The following RALA variants were observed in gnomAD, a reference collection of about 807,000 sequenced individuals.
The protein encoded by RALA is ras-related protein Ral-A.
Under a neutral mutation model 24.0 loss-of-function variants are expected in RALA, and 5 were observed. The ratio of observed to expected loss-of-function variants is 0.21; its 90% CI spans 0.11 to 0.44. The LOEUF is 0.44. Ranked by LOEUF, RALA falls within the 20% of genes least tolerant of loss-of-function variation. RALA has a pLI of 0.99. For missense variants in RALA, 95 were observed against 241.2 expected (o/e 0.39, Z 4.01); for synonymous variants, 77 against 83.8 (o/e 0.92, Z 0.44).
chr7:39,634,642 C>G (rs1039073420), intron 1 of RALA, among the ~76,000 whole-genome samples: 1 of 151,996 alleles, frequency 6.6e-6, no homozygotes, highest in Non-Finnish European at 1.5e-5. Flanking sequence ...TATTAATCTC[C>G]AAGGTCTTCC....
chr7:39,674,086 T>A (rs988127617), intron 1 of RALA, among the ~76,000 whole-genome samples: 40 of 142,810 alleles, frequency 2.8e-4, no homozygotes, highest in Non-Finnish European at 4.7e-4. Context: ...AATAAATAAA[T>A]AAAAGGTTGA....
intron 1 of RALA, among the ~76,000 whole-genome samples, chr7:39,676,443 T>G (rs1792488924): frequency 6.6e-6 from 1 of 152,144 alleles, no homozygotes; most frequent in Non-Finnish European, 1.5e-5. Flanking sequence ...TCAGAAGTGT[T>G]TGGGATTTTG....
intron 1 of RALA, among the ~76,000 whole-genome samples, chr7:39,681,985 A>G (rs1456289469): frequency 6.6e-6 from 1 of 152,208 alleles, no homozygotes; most frequent in Non-Finnish European, 1.5e-5. Flanking sequence ...TCTCCCATCC[A>G]GTCAATCAGG....
At chr7:39,651,565 C>T (rs1209100305) in intron 1 of RALA, among the ~76,000 whole-genome samples, 1 of 151,992 alleles carries the variant, frequency 6.6e-6, no homozygotes, top group Non-Finnish European at 1.5e-5. Flanking sequence ...AAATATTTTT[C>T]CTTTTTCACT....
intron 1 of RALA, among the ~76,000 whole-genome samples, chr7:39,642,964 A>G (rs1791847414): frequency 6.6e-6 from 1 of 152,244 alleles, no homozygotes; most frequent in African/African-American, 2.4e-5. Flanking sequence ...TGAAAATAAC[A>G]CTGTAACATT....
At chr7:39,681,872 G>A (rs187186829) in intron 1 of RALA, among the ~76,000 whole-genome samples, 283 of 152,262 alleles carry the variant, frequency 1.9e-3, no homozygotes, top group African/African-American at 6.4e-3. Context: ...CAGAGCTTGG[G>A]ATTTCTTTCC....
intron 1 of RALA, among the ~76,000 whole-genome samples, chr7:39,657,986 T>TA (rs1028702087): frequency 1.3e-5 from 2 of 152,184 alleles, no homozygotes; most frequent in African/African-American, 4.8e-5. Flanking sequence ...AAAGAGAGGG[T>TA]ACTCTTCCTC....
At chr7:39,663,067 G>T (rs759944820) in intron 1 of RALA, among the ~76,000 whole-genome samples, 12 of 152,116 alleles carry the variant, frequency 7.9e-5, no homozygotes, top group Non-Finnish European at 1.6e-4. Flanking sequence ...GAATAGTGTG[G>T]GGGAAACTGC....
intron 4 of RALA, 73 bp downstream of exon 4, chr7:39,696,932 TG>T: frequency 2.2e-6 from 3 of 1,391,774 alleles, no homozygotes; most frequent in Non-Finnish European, 2.9e-6. Context: ...CCATTTTGTC[TG>T]GAGAGTCTAT....
chr7:39,690,234 G>A (rs952578700), intron 2 of RALA, 148 bp from the exon 3 acceptor site: 1 of 603,126 alleles, frequency 1.7e-6, no homozygotes, highest in Non-Finnish European at 2.7e-6. Context: ...TAAAATTAGT[G>A]TAGTTTTTAC....
At chr7:39,697,568 A>G in intron 4 of RALA, 1 of 384,748 alleles carries the variant, frequency 2.6e-6, no homozygotes, top group South Asian at 1.9e-5. Context: ...GCAAGTATCT[A>G]GGCTCTATAG....
intron 1 of RALA, among the ~76,000 whole-genome samples, chr7:39,681,049 C>T (rs977372147): frequency 1.3e-5 from 2 of 152,138 alleles, no homozygotes; most frequent in African/African-American, 2.4e-5. Flanking sequence ...CTGTTATGTT[C>T]CAGGTCCTAA....
intron 1 of RALA, among the ~76,000 whole-genome samples, chr7:39,644,447 A>G (rs1159082759): frequency 6.6e-6 from 1 of 152,168 alleles, no homozygotes; most frequent in Non-Finnish European, 1.5e-5. Context: ...TTAAGTATTT[A>G]GAGAATGCTG....
At chr7:39,644,280 A>G (rs1791889020) in intron 1 of RALA, among the ~76,000 whole-genome samples, 1 of 151,334 alleles carries the variant, frequency 6.6e-6, no homozygotes, top group South Asian at 2.1e-4. Context: ...ATTGGTGCTT[A>G]TTTTGGGAGC....
At chr7:39,685,131 T>G (rs1326394354) in intron 1 of RALA, among the ~76,000 whole-genome samples, 3 of 152,160 alleles carry the variant, frequency 2.0e-5, no homozygotes, top group Admixed American at 1.3e-4. Context: ...ATAAGGATTA[T>G]GAAGGAAAAG....
At chr7:39,694,888 GAAAAA>G (rs1562625088) in intron 3 of RALA, among the ~76,000 whole-genome samples, 1 of 150,322 alleles carries the variant, frequency 6.7e-6, no homozygotes, top group Non-Finnish European at 1.5e-5. Flanking sequence ...ACAAAAAAAA[GAAAAA>G]AAGAAAAAAA....
intron 3 of RALA, among the ~76,000 whole-genome samples, chr7:39,692,819 C>T (rs1792846374): frequency 6.6e-6 from 1 of 152,176 alleles, no homozygotes; most frequent in Non-Finnish European, 1.5e-5. Context: ...GAGTTACAAA[C>T]ACCTGAGTCA....
At chr7:39,640,173 A>G (rs1020956002) in intron 1 of RALA, among the ~76,000 whole-genome samples, 2 of 151,968 alleles carry the variant, frequency 1.3e-5, no homozygotes, top group Non-Finnish European at 2.9e-5. Context: ...AGCCTCCCCA[A>G]CAGCTGGGAC....
intron 1 of RALA, among the ~76,000 whole-genome samples, chr7:39,671,064 A>T (rs910623728): frequency 1.8e-4 from 27 of 149,662 alleles, no homozygotes; most frequent in East Asian, 2.0e-4. Flanking sequence ...AGTTCATTTG[A>T]CTCTTTTTTT....
Sources: gnomAD v4.1 joint callset for allele counts (sites outside exome capture counted in the v4.1 genomes callset) on GRCh38, gnomAD v4.1.1 for gene constraint, MANE v1.5 for transcripts, NCBI Gene and HGNC (gene_info 2026-07-23, HGNC 2026-07-21) for gene names.